The following ABCC12 variants were observed in gnomAD, a reference collection of about 807,000 sequenced individuals.
ABCC12 encodes the protein ATP binding cassette subfamily C member 12.
In ABCC12, 142 loss-of-function variants were observed where a neutral mutation model predicts 151.1. The observed-to-expected ratio is 0.94, with a 90% CI of 0.82 to 1.08. The LOEUF is 1.08. ABCC12 is among the 50% of genes least tolerant of loss of function. ABCC12 has a pLI of 0.00. For missense variants in ABCC12, 1,638 were observed against 1,691.1 expected (o/e 0.97, Z 0.55); for synonymous variants, 645 against 646.4 (o/e 1.00, Z 0.03).
In ABCC12 at chr16:48,124,308, C is replaced by T. The variant is rs759101835; in HGVS notation, c.1516-24G>A. The T allele has an allele frequency of 3.1e-6, 5 of 1,608,036 alleles. No homozygotes were observed. The African/African-American group carries it at 6.7e-5, about 21-fold the overall frequency. On this transcript the variant is annotated intron_variant, in intron 11 of 30. Coordinates refer to ENST00000311303, the MANE Select transcript of ABCC12 (RefSeq NM_001393797.1). ...CCCTGCCAGAGAAACAGAGATGGGA[C>T]ACAGTCACTCTCTCCCACTTCTTAG...
At chr16:48,125,639 C>T (rs572099482) in intron 11 of ABCC12, among the ~76,000 whole-genome samples, 109 of 152,290 alleles carry the variant, frequency 7.2e-4, no homozygotes, top group Non-Finnish European at 9.7e-4. Context: ...TGCAATACTG[C>T]ACTTGGAGCA....
At chr16:48,119,620 G>A (rs146840952) in intron 13 of ABCC12, among the ~76,000 whole-genome samples, 46 of 152,336 alleles carry the variant, frequency 3.0e-4, no homozygotes, top group Non-Finnish European at 6.3e-4. Flanking sequence ...GGGAAGAGGA[G>A]GTGAATTGAC....
intron 24 of ABCC12, 54 bp downstream of exon 24, chr16:48,096,692 A>C: frequency 6.3e-7 from 1 of 1,584,312 alleles, no homozygotes; most frequent in East Asian, 2.2e-5. Context: ...ACCCTCGCTG[A>C]TGTATTACAG....
intron 13 of ABCC12, chr16:48,121,436 C>A: frequency 3.0e-6 from 1 of 331,872 alleles, no homozygotes; most frequent in East Asian, 7.3e-5. Context: ...CCACATATGC[C>A]CTGTTGCAGA....
intron 5 of ABCC12, 62 bp from the exon 6 acceptor site, chr16:48,140,982 C>T: frequency 6.6e-7 from 1 of 1,507,112 alleles, no homozygotes; most frequent in Non-Finnish European, 9.1e-7. Flanking sequence ...GCATAGGAGG[C>T]CTCAGATCAT....
In ABCC12 at chr16:48,100,929, G is replaced by C. The variant is rs1434377513; in HGVS notation, c.2981C>G (p.Ser994Cys). 1 of 1,614,242 alleles carries C rather than the reference G, an allele frequency of 6.2e-7. No individual in the cohort carries two copies. Among genetic ancestry groups the C allele is most frequent in the South Asian group, 1.1e-5 (1 of 91,084 alleles). Residue 994 changes from serine (S) to cysteine (C), a missense_variant, in exon 23 of 31, where the codon TCC becomes TGC. By Grantham distance (112) the Ser-to-Cys change is moderately radical. Transcript: ENST00000311303. ...GTGAATGATGCCCAGGCCCTGCATG[G>C]AGGAGGTGATGTGGGTGAACCAGGG... ...RSPWFTHITS[S>C]MQGLGIIHAY... is the part of the protein sequence containing the mutation.
At position 48,111,762 on chromosome 16, in the gene ABCC12, C is replaced by T. The variant is rs1963700991; in HGVS notation, c.2124+14G>A. On this transcript the variant is annotated intron_variant, in intron 16 of 30. Coordinates refer to ENST00000311303, the MANE Select transcript of ABCC12 (RefSeq NM_001393797.1). ...CGCCCCAATTGTTCCCACACCTGCCCAGGTGTGAGTTACCTTGAACTGCAA... is the reference window on the plus strand; with the variant it reads ...CGCCCCAATTGTTCCCACACCTGCCTAGGTGTGAGTTACCTTGAACTGCAA... 1 of 1,614,134 alleles carries T rather than the reference C, an allele frequency of 6.2e-7. No individual in the cohort carries two copies. The highest frequency in any genetic ancestry group is 2.2e-5 in the East Asian group (1 of 44,864).
intron 11 of ABCC12, among the ~76,000 whole-genome samples, chr16:48,127,513 G>C (rs1964279164): frequency 2.6e-5 from 4 of 152,160 alleles, no homozygotes; most frequent in Admixed American, 1.3e-4. Flanking sequence ...AGGAGTTTTT[G>C]CCGGTGGTTA....
At chr16:48,136,321 C>G (rs888529080) in intron 8 of ABCC12, among the ~76,000 whole-genome samples, 1 of 152,202 alleles carries the variant, frequency 6.6e-6, no homozygotes, top group Non-Finnish European at 1.5e-5. Context: ...TCCTTCCTAT[C>G]CCTTTGGCCT....
Position 48,115,558 on chromosome 16 carries a change from C to T in ABCC12, c.1846G>A (p.Ala616Thr), listed in dbSNP as rs569747930. Residue 616 changes from alanine (A) to threonine (T), a missense_variant, in exon 15 of 31, where the codon GCT (alanine) becomes ACT (threonine). Physicochemically the swap from Ala to Thr is moderately conservative, Grantham distance 58 (BLOSUM62 0). Coordinates refer to ENST00000311303, the MANE Select transcript of ABCC12 (RefSeq NM_001393797.1). ...TAGAGCTGACGGTCGGAGTAGACAG[C>T]GCGGGCCAGGCTAATCCTCTGCCTC... ...GQRQRISLAR[A>T]VYSDRQLYLL... 1.2e-5 allele frequency: 19 copies of T among 1,614,182 alleles called. No individual in the cohort carries two copies. Among genetic ancestry groups the T allele is most frequent in the Middle Eastern group, 3.3e-4 (2 of 6,060 alleles).
At chr16:48,114,583 G>A (rs1235964135) in intron 15 of ABCC12, among the ~76,000 whole-genome samples, 4 of 152,066 alleles carry the variant, frequency 2.6e-5, no homozygotes, top group Admixed American at 1.3e-4. Context: ...GGAATCTCTC[G>A]TCGGGCAAGG....
intron 3 of ABCC12, among the ~76,000 whole-genome samples, chr16:48,144,867 C>T (rs1012525232): frequency 5.9e-5 from 9 of 152,150 alleles, no homozygotes; most frequent in African/African-American, 2.2e-4. Context: ...TGCATTACTT[C>T]ATATATTCCT....
intron 2 of ABCC12, among the ~76,000 whole-genome samples, chr16:48,148,524 T>C (rs75206080): frequency 0.032 from 4,896 of 152,244 alleles, 251 homozygotes; most frequent in African/African-American, 0.11. Flanking sequence ...AGGCATGAGC[T>C]ACTGTGCCCA....
Position 48,104,348 on chromosome 16 carries a change from A to G in ABCC12, c.2694T>C (p.Ser898=), listed in dbSNP as rs9925287. The part of the protein sequence containing the change: ...VFDKILKSPM[S]FFDTTPTGRL... ...TGCCAGTGGGAGTCGTGTCAAAGAA[A>G]CTCATTGGGCTCTTTAAGATCTGTG... Residue 898 remains serine (S), a synonymous_variant, in exon 22 of 31, where the codon AGT becomes AGC. Transcript: ENST00000311303. 0.014 allele frequency: 23,002 copies of G among 1,614,042 alleles called. 2,821 individuals are homozygous for G. The African/African-American group carries it at 0.27, about 19-fold the overall frequency.
chr16:48,115,556 A>G lies in ABCC12; in HGVS notation c.1848T>C (p.Ala616=), dbSNP rs9302750. ...GGTAGAGCTGACGGTCGGAGTAGAC[A>G]GCGCGGGCCAGGCTAATCCTCTGCC... The part of the protein sequence containing the change: ...GQRQRISLAR[A]VYSDRQLYLL... The change falls in exon 15 of 31, where the codon GCT becomes GCC. Residue 616 remains alanine, a synonymous_variant. Coordinates refer to ENST00000311303, the MANE Select transcript of ABCC12 (RefSeq NM_001393797.1). 0.011 allele frequency: 18,151 copies of G among 1,614,136 alleles called. 1,802 individuals are homozygous for G. In the African/African-American group the frequency reaches 0.21, roughly 19 times the overall value.
Position 48,081,241 on chromosome 16 carries a change from T to C in ABCC12, c.*2474A>G, listed in dbSNP as rs964917903. Among the ~76,000 whole-genome samples, 2 of 152,212 alleles carry C rather than the reference T, an allele frequency of 1.3e-5. No homozygotes were observed. Among genetic ancestry groups the C allele is most frequent in the African/African-American group, 4.8e-5 (2 of 41,452 alleles). On this transcript the variant is annotated 3_prime_UTR_variant, in exon 31 of 31. Transcript: ENST00000311303. ...TGTTCAGGATTTAATAACCTAAGCC[T>C]GTGCTTTGAGGAATTTGGCTAAATG...
At position 48,143,936 on chromosome 16, in the gene ABCC12, A is replaced by G; in HGVS notation, c.249T>C (p.Tyr83=). 1 of 1,614,164 alleles carries G rather than the reference A, an allele frequency of 6.2e-7. No individual in the cohort carries two copies. The highest frequency in any genetic ancestry group is 8.5e-7 in the Non-Finnish European group (1 of 1,180,002). ...TVDTLPPLST[Y]DSSDTNAKRF... Reference sequence around the variant, plus strand: ...TTTTGGCATTGGTGTCAGATGAGTCATATGTCGACAATGGGGGCAGGGTGT... The same window carrying G: ...TTTTGGCATTGGTGTCAGATGAGTCGTATGTCGACAATGGGGGCAGGGTGT... Residue 83 remains tyrosine (Y), a synonymous_variant, in exon 4 of 31, where the codon TAT becomes TAC. Transcript: ENST00000311303.
chr16:48,140,105 T>C (rs899238703), intron 6 of ABCC12, among the ~76,000 whole-genome samples: 1 of 152,230 alleles, frequency 6.6e-6, no homozygotes, highest in Admixed American at 6.5e-5. Context: ...TTGAGCTTGC[T>C]AAAAGAGCAA....
intron 7 of ABCC12, 102 bp from the exon 8 acceptor site, chr16:48,138,477 G>T: frequency 7.2e-7 from 1 of 1,381,584 alleles, no homozygotes; most frequent in South Asian, 1.4e-5. Flanking sequence ...AAGTTCTAAA[G>T]GAAGTTGGCT....
Sources: allele counts gnomAD v4.1 joint callset (sites outside exome capture counted in the v4.1 genomes callset), GRCh38; gene constraint gnomAD v4.1.1; transcripts MANE v1.5; gene names NCBI Gene and HGNC (gene_info 2026-07-23, HGNC 2026-07-21).